NUFIP2: variants seen among roughly 807,000 people sequenced by gnomAD.
NUFIP2 encodes the protein FMR1-interacting protein NUFIP2.
In NUFIP2, 6 loss-of-function variants were observed where a neutral mutation model predicts 56.9. That is an observed-to-expected ratio of 0.11 (90% confidence interval 0.06 to 0.21). NUFIP2 has a LOEUF of 0.21. NUFIP2 is among the 10% of genes least tolerant of loss of function. The pLI is 1.00. For synonymous variants in NUFIP2, 321 were observed against 298.2 expected (o/e 1.08, Z -0.79); for missense variants, 828 against 826.8 (o/e 1.00, Z -0.02).
In NUFIP2 at chr17:29,294,089, C is replaced by G; in HGVS notation, c.-30G>C. On this transcript the variant is annotated 5_prime_UTR_variant, in exon 1 of 4. Coordinates refer to ENST00000225388, the MANE Select transcript of NUFIP2 (RefSeq NM_020772.3). ...AGCGGCTGGGACTCCCTGGCTGAGG[C>G]TGCGGGCTGCTGCACCGTCAGGATC... 6.4e-7 allele frequency: 1 copy of G among 1,568,326 alleles called. No individual in the cohort carries two copies. The highest frequency in any genetic ancestry group is 8.7e-7 in the Non-Finnish European group (1 of 1,155,742).
At chr17:29,289,315 G>A (rs758174881) in intron 1 of NUFIP2, among the ~76,000 whole-genome samples, 1 of 152,052 alleles carries the variant, frequency 6.6e-6, no homozygotes, top group South Asian at 2.1e-4. Context: ...TATACAGGCC[G>A]GGTGCAGTGG....
rs1408994502 is a variant in NUFIP2, at chr17:29,258,292, G to A, written c.*6247C>T. 1 of 152,146 alleles carries A rather than the reference G, an allele frequency of 6.6e-6. No individual in the cohort carries two copies. The highest frequency in any genetic ancestry group is 6.5e-5 in the Admixed American group (1 of 15,272). 9.4% of individuals were successfully genotyped at this position (152,146 alleles called of 1,614,324 possible). On this transcript the variant is annotated 3_prime_UTR_variant, in exon 4 of 4. Transcript: ENST00000225388. The stretch of plus-strand genomic sequence containing the variant: ...CACCTTCAAGTTTGGGTATGTGCTT[G>A]AGAAATGACTTTTCTTCTTGTCAAG...
chr17:29,264,956 G>A (rs911579850), intron 3 of NUFIP2, among the ~76,000 whole-genome samples: 1 of 152,142 alleles, frequency 6.6e-6, no homozygotes, highest in African/African-American at 2.4e-5. Flanking sequence ...AATATTAAAA[G>A]AAACACTTGG....
At chr17:29,289,900 C>A (rs4795500) in intron 1 of NUFIP2, among the ~76,000 whole-genome samples, 7,511 of 152,228 alleles carry the variant, frequency 0.049, 263 homozygotes, top group Non-Finnish European at 0.071. Flanking sequence ...ACTTGTACCA[C>A]GAGAGAATAC....
intron 2 of NUFIP2, among the ~76,000 whole-genome samples, chr17:29,279,119 G>T (rs769913558): frequency 2.6e-5 from 4 of 152,156 alleles, no homozygotes; most frequent in African/African-American, 9.7e-5. Context: ...CATTCAGGAA[G>T]CAATTGCAAT....
In NUFIP2 at chr17:29,256,085, A is replaced by C. The variant is rs2068969697; in HGVS notation, c.*8454T>G. The C allele has an allele frequency of 6.6e-6, 1 of 152,258 alleles. No homozygotes were observed. Among genetic ancestry groups the C allele is most frequent in the Non-Finnish European group, 1.5e-5 (1 of 68,044 alleles). The allele number at this position is 152,258 out of a possible 1,614,324, so 9.4% of individuals were successfully genotyped here. A position where few individuals can be genotyped will look rare whatever the true frequency, so the allele number is the denominator to read the frequency against. On this transcript the variant is annotated 3_prime_UTR_variant, in exon 4 of 4. Coordinates refer to ENST00000225388, the MANE Select transcript of NUFIP2 (RefSeq NM_020772.3). The stretch of plus-strand genomic sequence containing the variant: ...ATAGCAAATACCTAAGCATTTAGCA[A>C]AAGGGAAAATTTCTGGTGACTGTTC...
At chr17:29,282,068 C>T (rs1019721692) in intron 2 of NUFIP2, among the ~76,000 whole-genome samples, 10 of 151,856 alleles carry the variant, frequency 6.6e-5, no homozygotes, top group African/African-American at 1.7e-4. Context: ...AGCACAAATC[C>T]CCTTTTTATG....
At chr17:29,281,114 C>A (rs754888902) in intron 2 of NUFIP2, among the ~76,000 whole-genome samples, 1 of 150,412 alleles carries the variant, frequency 6.6e-6, no homozygotes, top group Non-Finnish European at 1.5e-5. Context: ...GGGTAAAATA[C>A]ACAGACACCG....
chr17:29,282,048 C>T (rs952596241), intron 2 of NUFIP2, among the ~76,000 whole-genome samples: 4 of 151,814 alleles, frequency 2.6e-5, no homozygotes, highest in African/African-American at 9.7e-5. Flanking sequence ...AGGCGTGAGC[C>T]ACCGCACCCA....
Position 29,258,836 on chromosome 17 carries a change from A to G in NUFIP2, c.*5703T>C, listed in dbSNP as rs1394667310. ...ATGTAAAAAGTGCATCACATTCTTG[A>G]TTTTCAGTTTCTCATAGCAGCAGGA... On this transcript the variant is annotated 3_prime_UTR_variant, in exon 4 of 4. Transcript: ENST00000225388. The G allele has an allele frequency of 6.6e-6, 1 of 152,198 alleles. No homozygotes were observed. The allele number at this position is 152,198 out of a possible 1,614,324, so 9.4% of individuals were successfully genotyped here.
chr17:29,280,786 G>A (rs1207015908), intron 2 of NUFIP2, among the ~76,000 whole-genome samples: 5 of 152,054 alleles, frequency 3.3e-5, no homozygotes, highest in African/African-American at 1.2e-4. Context: ...AAGAGTTCAA[G>A]ACCAGTCTGG....
rs2069006639 is a variant in NUFIP2 at position 29,262,111 on chromosome 17, T to C, written c.*2428A>G. 1 of 152,300 alleles carries C rather than the reference T, an allele frequency of 6.6e-6. No homozygotes were observed. Among genetic ancestry groups the C allele is most frequent in the African/African-American group, 2.4e-5 (1 of 41,438 alleles). 9.4% of individuals were successfully genotyped at this position (152,300 alleles called of 1,614,324 possible). The stretch of plus-strand genomic sequence containing the variant: ...CCAATTCAGGTGGGGTCTGGGTTTG[T>C]TTTTTGTTTTTTCCTTTTCAAATAT... On this transcript the variant is annotated 3_prime_UTR_variant, in exon 4 of 4. Coordinates refer to ENST00000225388, the MANE Select transcript of NUFIP2 (RefSeq NM_020772.3).
chr17:29,273,092 T>C (rs1368625382), intron 2 of NUFIP2, among the ~76,000 whole-genome samples: 3 of 149,876 alleles, frequency 2.0e-5, no homozygotes, highest in African/African-American at 7.4e-5. Context: ...CAGGCTGGAG[T>C]GCAATGGTGA....
At chr17:29,279,866 T>G (rs987313819) in intron 2 of NUFIP2, among the ~76,000 whole-genome samples, 2 of 152,164 alleles carry the variant, frequency 1.3e-5, no homozygotes, top group Admixed American at 6.6e-5. Context: ...CTAGGCTGGA[T>G]AGAGTGCAGT....
chr17:29,287,970 A>G (rs1432987401), intron 1 of NUFIP2, among the ~76,000 whole-genome samples: 1 of 152,226 alleles, frequency 6.6e-6, no homozygotes, highest in Non-Finnish European at 1.5e-5. Flanking sequence ...AGAGAAGACA[A>G]GACCTCTTAA....
chr17:29,284,706 C>CAAAAAAAAA lies in NUFIP2; in HGVS notation c.2002+1277_2002+1285dup, dbSNP rs66700326. Reference sequence around the variant, plus strand: ...GGGTGACAAGAGTAAGACTCCATCTCAAAAAAAAAAAAAAAAAAAAAGAAA... The same window carrying CAAAAAAAAA: ...GGGTGACAAGAGTAAGACTCCATCTCAAAAAAAAAAAAAAAAAAAAAAAAAAAAAAGAAA... On this transcript the variant is annotated intron_variant, in intron 2 of 3. Transcript: ENST00000225388. 8.9e-3 allele frequency among the ~76,000 whole-genome samples: 459 copies of CAAAAAAAAA among 51,640 alleles called. 2 individuals carry two copies. The highest frequency in any genetic ancestry group is 0.012 in the South Asian group (13 of 1,074). The allele number at this position is 51,640 out of a possible 152,430, so 33.9% of individuals were successfully genotyped here.
chr17:29,276,046 A>ATAT (rs998939713), intron 2 of NUFIP2, among the ~76,000 whole-genome samples: 1 of 150,530 alleles, frequency 6.6e-6, no homozygotes, highest in African/African-American at 2.5e-5. Flanking sequence ...ATATATATAT[A>ATAT]TATCTGAAAG....
rs889660047 is a variant in NUFIP2 at position 29,290,082 on chromosome 17, G to A, written c.278-2366C>T. Among the ~76,000 whole-genome samples, 4 of 151,926 alleles carry A rather than the reference G, an allele frequency of 2.6e-5. No homozygotes were observed. The South Asian group carries it at 6.2e-4, about 24-fold the overall frequency. On this transcript the variant is annotated intron_variant, in intron 1 of 3. Coordinates refer to ENST00000225388, the MANE Select transcript of NUFIP2 (RefSeq NM_020772.3). ...GGCATGCACCACGATGCCCAGTTCC[G>A]CCACGTTGGCCTGGCTGGTTTCGAA...
intron 2 of NUFIP2, among the ~76,000 whole-genome samples, chr17:29,270,294 A>G (rs919164226): frequency 5.5e-5 from 8 of 145,604 alleles, no homozygotes; most frequent in African/African-American, 1.8e-4. Flanking sequence ...AGGTCTAAAA[A>G]GGGGAGAACT....
Sources: allele counts gnomAD v4.1 joint callset (sites outside exome capture counted in the v4.1 genomes callset), GRCh38; gene constraint gnomAD v4.1.1; transcripts MANE v1.5; gene names NCBI Gene and HGNC (gene_info 2026-07-23, HGNC 2026-07-21).